The following NUMA1 variants were observed in gnomAD, a reference collection of about 807,000 sequenced individuals.
NUMA1 encodes the protein SP-H antigen.
A neutral mutation model predicts 237.1 loss-of-function variants in NUMA1; 62 were observed. The ratio of observed to expected loss-of-function variants is 0.26; its 90% CI spans 0.21 to 0.32. The LOEUF (loss-of-function observed/expected upper bound fraction) is 0.32. NUMA1 is among the 10% of genes least tolerant of loss of function. The pLI is 1.00. For synonymous variants in NUMA1, 1,028 were observed against 1,066.1 expected (o/e 0.96, Z 0.70); for missense variants, 2,533 against 2,666.5 (o/e 0.95, Z 1.10).
At chr11:72,008,520 C>T (rs775929930) in intron 20 of NUMA1, 168 bp downstream of exon 20, 4 of 761,290 alleles carry the variant, frequency 5.3e-6, no homozygotes, top group Non-Finnish European at 8.5e-6. Context: ...TGACCACTTG[C>T]TTTTTATTCC....
At chr11:72,030,002 A>G (rs544752591) in intron 3 of NUMA1, among the ~76,000 whole-genome samples, 26 of 152,262 alleles carry the variant, frequency 1.7e-4, no homozygotes, top group Admixed American at 6.5e-4. Flanking sequence ...TGAGGGGAGA[A>G]GGGAAAAACA....
intron 9 of NUMA1, among the ~76,000 whole-genome samples, chr11:72,019,203 T>A (rs891974105): frequency 1.3e-5 from 2 of 152,088 alleles, no homozygotes; most frequent in Non-Finnish European, 2.9e-5. Flanking sequence ...AAAAAAGTGA[T>A]ATATTCTCCT....
In NUMA1 at chr11:72,019,060, G is replaced by A. The variant is rs1049729760; in HGVS notation, c.585-80C>T. 115 of 1,529,042 alleles carry A rather than the reference G, an allele frequency of 7.5e-5. No homozygotes were observed. The African/African-American group carries it at 8.6e-4, about 11-fold the overall frequency. 94.7% of individuals were successfully genotyped at this position (1,529,042 alleles called of 1,614,324 possible). A position where few individuals can be genotyped will look rare whatever the true frequency, so the allele number is the denominator to read the frequency against. On this transcript the variant is annotated intron_variant, in intron 9 of 26. Transcript: ENST00000393695. ...CAGCAACAGGCAGCAGTAAGGGAGCGGGGTCTATGGAAGTGCGCACTAGCA... is the reference window on the plus strand; with the variant it reads ...CAGCAACAGGCAGCAGTAAGGGAGCAGGGTCTATGGAAGTGCGCACTAGCA...
intron 2 of NUMA1, among the ~76,000 whole-genome samples, chr11:72,046,726 G>A (rs1251085358): frequency 1.3e-5 from 2 of 151,922 alleles, no homozygotes; most frequent in African/African-American, 4.8e-5. Context: ...TTGGGAGGTC[G>A]AGGTGGGCAG....
At chr11:72,054,256 A>G (rs922119953) in intron 2 of NUMA1, among the ~76,000 whole-genome samples, 1 of 152,142 alleles carries the variant, frequency 6.6e-6, no homozygotes, top group Non-Finnish European at 1.5e-5. Context: ...GCTTGAGGCC[A>G]GGAGTTCGAG....
At position 72,015,091 on chromosome 11, in the gene NUMA1, C is replaced by T. The variant is rs1168875426; in HGVS notation, c.2412G>A (p.Glu804=). Residue 804 remains glutamate (E), a synonymous_variant, in exon 15 of 27, where the codon GAG becomes GAA. Coordinates refer to ENST00000393695, the MANE Select transcript of NUMA1 (RefSeq NM_006185.4). This position sits in a 1 kb window ranked among gnomAD's most constrained non-coding sequence, Gnocchi z 4.0. ...AGGCAGCTACTTCTTTGACGAGCTG[C>T]TCACACTCACTCTCAGCTGTGTGCT... The part of the protein sequence containing the change: ...AAQHTAESEC[E]QLVKEVAAWR... The T allele has an allele frequency of 1.9e-6, 3 of 1,613,914 alleles. No individual in the cohort carries two copies. The highest frequency in any genetic ancestry group is 2.5e-6 in the Non-Finnish European group (3 of 1,180,056).
At chr11:72,074,194 C>CACAACAAAAACAAAGACAAA (rs1943597305) in intron 1 of NUMA1, among the ~76,000 whole-genome samples, 1 of 149,820 alleles carries the variant, frequency 6.7e-6, no homozygotes, top group South Asian at 2.1e-4. Context: ...AACTCCATCT[C>CACAACAAAAACAAAGACAAA]AAAAAAAATT....
intron 20 of NUMA1, chr11:72,008,305 C>T: frequency 2.7e-6 from 1 of 375,820 alleles, no homozygotes; most frequent in Non-Finnish European, 5.1e-6. Context: ...CTAAACCTTT[C>T]AATTACAGCC....
chr11:72,019,784 G>A (rs1252148316), intron 8 of NUMA1, among the ~76,000 whole-genome samples, 167 bp from the exon 9 acceptor site: 2 of 152,194 alleles, frequency 1.3e-5, no homozygotes, highest in African/African-American at 2.4e-5. Context: ...CCTGGTGCCT[G>A]GGTTATCCAG....
chr11:72,042,293 G>C (rs536410358), intron 2 of NUMA1, among the ~76,000 whole-genome samples: 1 of 152,292 alleles, frequency 6.6e-6, no homozygotes, highest in Admixed American at 6.5e-5. Context: ...TATGTGTAAG[G>C]CACTCCTATA....
chr11:72,014,674 C>T lies in NUMA1; in HGVS notation c.2829G>A (p.Arg943=). Residue 943 remains arginine, a synonymous_variant, in exon 15 of 27, where the codon AGG becomes AGA. Coordinates refer to ENST00000393695, the MANE Select transcript of NUMA1 (RefSeq NM_006185.4). The surrounding 1 kb of genome is among the most constrained non-coding windows in gnomAD (Gnocchi z 4.6). ...GCCACTCGGGCTGTCTGTCTCCTGC[C>T]CTCGCAGGCTCCTTGACTAACTCCC... The part of the protein sequence containing the change: ...ASRELVKEPA[R]AGDRQPEWLE... The T allele has an allele frequency of 6.2e-7, 1 of 1,613,356 alleles. No individual in the cohort carries two copies. The highest frequency in any genetic ancestry group is 8.5e-7 in the Non-Finnish European group (1 of 1,180,030).
Position 72,008,708 on chromosome 11 carries a change from C to G in NUMA1, c.5196G>C (p.Gly1732=). The change falls in exon 20 of 27, where the codon GGG becomes GGC. Residue 1732 remains glycine (G), a synonymous_variant. Coordinates refer to ENST00000393695, the MANE Select transcript of NUMA1 (RefSeq NM_006185.4). ...IDSLDLSCEE[G]TPLSITSKLP... is the part of the protein sequence containing the mutation. ...CTGACCTGGTGATACTGAGTGGGGTCCCCTCCTCGCAGCTCAGATCCAGGC... is the reference window on the plus strand; with the variant it reads ...CTGACCTGGTGATACTGAGTGGGGTGCCCTCCTCGCAGCTCAGATCCAGGC... 6.2e-7 allele frequency: 1 copy of G among 1,614,140 alleles called. No homozygotes were observed. The highest frequency in any genetic ancestry group is 8.5e-7 in the Non-Finnish European group (1 of 1,180,034).
chr11:72,060,099 T>C (rs958526865), intron 2 of NUMA1, among the ~76,000 whole-genome samples: 2 of 152,176 alleles, frequency 1.3e-5, no homozygotes, highest in Middle Eastern at 3.2e-3. Flanking sequence ...AGCTGTTTTT[T>C]TAACAATTTC....
rs1343249462 is a variant in NUMA1, at chr11:72,046,970, A to G, written c.-32-10995T>C. Among the ~76,000 whole-genome samples, 7 of 151,426 alleles carry G rather than the reference A, an allele frequency of 4.6e-5. No individual in the cohort carries two copies. In the South Asian group the frequency reaches 1.5e-3, roughly 32 times the overall value. ...GTGGGACTCCATTGCAAAAAAAGAG[A>G]AAAAAAAAGAATTTTAAATTAAAAT... On this transcript the variant is annotated intron_variant, in intron 2 of 26. Coordinates refer to ENST00000393695, the MANE Select transcript of NUMA1 (RefSeq NM_006185.4).
chr11:72,038,135 A>G (rs1941260088), intron 2 of NUMA1, among the ~76,000 whole-genome samples: 1 of 152,196 alleles, frequency 6.6e-6, no homozygotes, highest in South Asian at 2.1e-4. Context: ...ATAGACTTGC[A>G]GTCCTTTTGA....
Position 72,078,109 on chromosome 11 carries a change from G to A in NUMA1, c.-103+2349C>T, listed in dbSNP as rs147929801. 3.8e-3 allele frequency among the ~76,000 whole-genome samples: 574 copies of A among 152,254 alleles called. 4 individuals carry two copies. The highest frequency in any genetic ancestry group is 0.013 in the African/African-American group (551 of 41,542). On this transcript the variant is annotated intron_variant, in intron 1 of 26. Coordinates refer to ENST00000393695, the MANE Select transcript of NUMA1 (RefSeq NM_006185.4). ...ACTCCTGGGCTCAAGCCATTCTCCC[G>A]CCTGCTCCTCCTGCCTCAGCCTCCA... is the stretch of plus-strand genomic sequence containing the variant.
At chr11:72,008,663 A>G (rs1227839207) in intron 20 of NUMA1, 25 bp downstream of exon 20, 1 of 1,612,656 alleles carries the variant, frequency 6.2e-7, no homozygotes, top group Non-Finnish European at 8.5e-7. Flanking sequence ...ATAAACAGAC[A>G]TAGGGAGGAA....
chr11:72,064,325 T>A lies in NUMA1; in HGVS notation c.-33+5517A>T, dbSNP rs534932201. The stretch of plus-strand genomic sequence containing the variant: ...TAAAAATAAAAAAAATAGCTGGGCA[T>A]GATGGCATGCGCCTGTAGTTCAGCT... On this transcript the variant is annotated intron_variant, in intron 2 of 26. Coordinates refer to ENST00000393695, the MANE Select transcript of NUMA1 (RefSeq NM_006185.4). Among the ~76,000 whole-genome samples, 18 of 151,710 alleles carry A rather than the reference T, an allele frequency of 1.2e-4. 1 individual carries two copies. The highest frequency in any genetic ancestry group is 4.4e-4 in the African/African-American group (18 of 41,336).
intron 1 of NUMA1, among the ~76,000 whole-genome samples, chr11:72,076,076 C>T (rs1943692916): frequency 6.6e-6 from 1 of 152,200 alleles, no homozygotes; most frequent in African/African-American, 2.4e-5. Context: ...GAAAAACCGT[C>T]TAGGAATTCA....
Sources: gnomAD v4.1 joint callset for allele counts (sites outside exome capture counted in the v4.1 genomes callset) on GRCh38, gnomAD v4.1.1 for gene constraint, Gnocchi (gnomAD v3.1) non-coding constraint, MANE v1.5 for transcripts, NCBI Gene and HGNC (gene_info 2026-07-23, HGNC 2026-07-21) for gene names.